The following ABCA12 variants were observed in gnomAD, a reference collection of about 807,000 sequenced individuals.
ABCA12 encodes the protein glucosylceramide transporter ABCA12.
A neutral mutation model predicts 293.5 loss-of-function variants in ABCA12; 156 were observed. The observed-to-expected ratio is 0.53, with a 90% CI of 0.47 to 0.61. ABCA12 has a LOEUF of 0.61. Ranked by LOEUF, ABCA12 falls within the 20% of genes least tolerant of loss-of-function variation. ABCA12 has a pLI of 0.00. For synonymous variants in ABCA12, 1,063 were observed against 1,108.0 expected, an observed-to-expected ratio of 0.96 and a Z score of 0.81; for missense variants, 2,797 against 3,090.2, an observed-to-expected ratio of 0.91 and a Z score of 2.25.
At chr2:215,013,942 A>G (rs1382768844) in intron 15 of ABCA12, among the ~76,000 whole-genome samples, 1 of 152,224 alleles carries the variant, frequency 6.6e-6, no homozygotes, top group East Asian at 1.9e-4. Flanking sequence ...GCACTTTGGG[A>G]GGCCAAGGTG....
Position 214,997,092 on chromosome 2 carries a change from G to C in ABCA12, c.3294+603C>G, listed in dbSNP as rs147624718. ...TAATGATGAAGAACGTGCCCAGAAA[G>C]AGGTCATGCATCACACTCCTGGTTC... On this transcript the variant is annotated intron_variant, in intron 23 of 52. Transcript: ENST00000272895. Among the ~76,000 whole-genome samples the C allele has an allele frequency of 6.0e-4, 92 of 152,278 alleles. 1 individual carries two copies. The highest frequency in any genetic ancestry group is 2.1e-3 in the African/African-American group (89 of 41,578).
chr2:215,087,840 GC>G (rs1482277190), intron 2 of ABCA12, among the ~76,000 whole-genome samples: 1 of 152,156 alleles, frequency 6.6e-6, no homozygotes, highest in Non-Finnish European at 1.5e-5. Flanking sequence ...TACCATAAAA[GC>G]CCCATGATAA....
In ABCA12 at chr2:215,018,116, C is replaced by T; in HGVS notation, c.1674G>A (p.Met558Ile). 3.1e-6 allele frequency: 5 copies of T among 1,613,388 alleles called. No homozygotes were observed. The highest frequency in any genetic ancestry group is 4.2e-6 in the Non-Finnish European group (5 of 1,179,786). Residue 558 changes from methionine (M) to isoleucine (I), a missense_variant, in exon 14 of 53, where the codon ATG becomes ATA. Met to Ile is a conservative substitution (Grantham distance 10). Transcript: ENST00000272895. ...CTTTCAGCTCTTCAACATTTTTAAA[C>T]ATTTCTAGTAACTGACCTGCAAGAA... Reference protein sequence around the residue: ...ASEKPGQLLEMFKNVEELKED... With the variant: ...ASEKPGQLLEIFKNVEELKED...
At chr2:215,070,376 CT>C (rs1390136280) in intron 2 of ABCA12, among the ~76,000 whole-genome samples, 1 of 151,692 alleles carries the variant, frequency 6.6e-6, no homozygotes, top group African/African-American at 2.4e-5. Context: ...AATCGTTCAT[CT>C]TTTTTTTAAA....
chr2:214,999,889 GAA>G, intron 22 of ABCA12: 1 of 935,180 alleles, frequency 1.1e-6, no homozygotes, highest in Non-Finnish European at 1.3e-6. Flanking sequence ...AAAGAAAAAA[GAA>G]GAGAAAAGAA....
intron 2 of ABCA12, among the ~76,000 whole-genome samples, chr2:215,072,604 G>C (rs1296843368): frequency 6.6e-6 from 1 of 152,140 alleles, no homozygotes; most frequent in African/African-American, 2.4e-5. Flanking sequence ...ATGTTAAGGA[G>C]ACCCTGCTGG....
At chr2:215,066,758 G>A (rs1278352583) in intron 2 of ABCA12, among the ~76,000 whole-genome samples, 1 of 152,154 alleles carries the variant, frequency 6.6e-6, no homozygotes, top group African/African-American at 2.4e-5. Flanking sequence ...GCATGCACAA[G>A]TTTCAGCTAA....
At chr2:215,029,074 C>T (rs549091270) in intron 9 of ABCA12, 1 of 152,200 alleles carries the variant, frequency 6.6e-6, no homozygotes, top group South Asian at 2.1e-4. Flanking sequence ...GTAGAATAAT[C>T]CATCTATTTT....
intron 7 of ABCA12, among the ~76,000 whole-genome samples, chr2:215,040,399 A>G (rs1436891468): frequency 6.6e-6 from 1 of 152,254 alleles, no homozygotes; most frequent in African/African-American, 2.4e-5. Context: ...AGAAATGCAA[A>G]TCAAAATCTT....
chr2:214,978,601 T>G, intron 32 of ABCA12, 135 bp from the exon 33 acceptor site: 1 of 1,203,532 alleles, frequency 8.3e-7, no homozygotes, highest in South Asian at 1.3e-5. Context: ...AAGTGAATAT[T>G]TCTGTATGTA....
intron 36 of ABCA12, among the ~76,000 whole-genome samples, chr2:214,971,195 C>T (rs1699378329): frequency 6.6e-6 from 1 of 152,092 alleles, no homozygotes; most frequent in Admixed American, 6.6e-5. Context: ...TATAGTGCCA[C>T]CTGTCTATCT....
intron 16 of ABCA12, 102 bp from the exon 17 acceptor site, chr2:215,011,751 A>G: frequency 8.2e-7 from 1 of 1,221,672 alleles, no homozygotes; most frequent in Non-Finnish European, 1.2e-6. Context: ...GTATCCTTAC[A>G]GTTTCCATAA....
intron 1 of ABCA12, among the ~76,000 whole-genome samples, chr2:215,130,474 T>C (rs955535894): frequency 1.3e-4 from 20 of 152,142 alleles, no homozygotes; most frequent in African/African-American, 3.9e-4. Flanking sequence ...TGTCTAGGTA[T>C]TTTTTGTGCG....
At chr2:214,952,282 G>T (rs879312933) in intron 44 of ABCA12, among the ~76,000 whole-genome samples, 2 of 149,310 alleles carry the variant, frequency 1.3e-5, no homozygotes, top group Non-Finnish European at 3.0e-5. Context: ...GTGCAGTGGC[G>T]CCATCTCGGC....
chr2:214,977,820 C>T (rs997711439), intron 33 of ABCA12, among the ~76,000 whole-genome samples: 12 of 151,876 alleles, frequency 7.9e-5, no homozygotes, highest in East Asian at 1.9e-4. Flanking sequence ...CTCAGAGTCA[C>T]GTAGGTTAGA....
intron 41 of ABCA12, 24 bp downstream of exon 41, chr2:214,958,253 C>A: frequency 6.2e-7 from 1 of 1,613,454 alleles, no homozygotes; most frequent in South Asian, 1.1e-5. Flanking sequence ...TTATTCCCTG[C>A]AATGAAGGAC....
At chr2:215,128,714 T>C (rs1472403847) in intron 1 of ABCA12, among the ~76,000 whole-genome samples, 2 of 152,190 alleles carry the variant, frequency 1.3e-5, no homozygotes, top group Non-Finnish European at 2.9e-5. Context: ...TTTCATGTTT[T>C]GGATTCCCTT....
intron 2 of ABCA12, among the ~76,000 whole-genome samples, chr2:215,075,916 T>G (rs1701825165): frequency 6.6e-6 from 1 of 152,196 alleles, no homozygotes; most frequent in African/African-American, 2.4e-5. Context: ...CTTAGTCACT[T>G]CTTTAATTCA....
chr2:215,089,219 T>C (rs534860550), intron 2 of ABCA12, among the ~76,000 whole-genome samples: 1 of 152,184 alleles, frequency 6.6e-6, no homozygotes, highest in South Asian at 2.1e-4. Flanking sequence ...CAGGCCTTAT[T>C]TATGCTCAGT....
Sources: gnomAD v4.1 joint callset for allele counts (sites outside exome capture counted in the v4.1 genomes callset) on GRCh38, gnomAD v4.1.1 for gene constraint, MANE v1.5 for transcripts, NCBI Gene and HGNC (gene_info 2026-07-23, HGNC 2026-07-21) for gene names.